Variants in LRP5 observed in about 807,000 individuals in gnomAD.
LRP5 encodes the protein LDL receptor related protein 5, also known as low-density lipoprotein receptor-related protein 5.
LRP5 carries 62 observed loss-of-function variants against 154.1 expected under a neutral mutation model. The observed-to-expected ratio is 0.40, with a 90% CI of 0.33 to 0.50. The LOEUF is 0.50. Ranked by LOEUF, LRP5 falls within the 20% of genes least tolerant of loss-of-function variation. The pLI, the probability that LRP5 is intolerant of heterozygous loss-of-function variation, is 0.55. For synonymous variants in LRP5, 966 were observed against 1,011.5 expected, an observed-to-expected ratio of 0.96 and a Z score of 0.85; for missense variants, 1,915 against 2,336.7, an observed-to-expected ratio of 0.82 and a Z score of 3.72.
intron 16 of LRP5, among the ~76,000 whole-genome samples, chr11:68,427,966 T>A (rs1565105820): frequency 1.3e-5 from 1 of 79,036 alleles, no homozygotes; most frequent in Non-Finnish European, 2.8e-5. Flanking sequence ...TTTTATTTTA[T>A]TTTATTTTTT....
chr11:68,432,255 C>T (rs2098672341), intron 17 of LRP5, among the ~76,000 whole-genome samples: 1 of 152,250 alleles, frequency 6.6e-6, no homozygotes, highest in Non-Finnish European at 1.5e-5. Context: ...GGTTTCACAA[C>T]TGCTGAGGGA....
chr11:68,429,486 G>C (rs550902066), intron 16 of LRP5, 89 bp from the exon 17 acceptor site: 1 of 1,557,526 alleles, frequency 6.4e-7, no homozygotes, highest in East Asian at 2.2e-5. Flanking sequence ...CAGTTCTCAT[G>C]AGTTCTCATT....
At chr11:68,340,972 G>T (rs2153125636) in intron 1 of LRP5, among the ~76,000 whole-genome samples, 1 of 146,338 alleles carries the variant, frequency 6.8e-6, no homozygotes, top group East Asian at 2.0e-4. Flanking sequence ...ACGTTTTGTT[G>T]TTACCGCAGT....
Position 68,413,133 on chromosome 11 carries a change from C to T in LRP5, c.2504-556C>T, listed in dbSNP as rs982836619. The T allele has an allele frequency of 5.0e-6, 1 of 201,880 alleles. No homozygotes were observed. The highest frequency in any genetic ancestry group is 1.0e-5 in the Non-Finnish European group (1 of 97,502). 12.5% of individuals were successfully genotyped at this position (201,880 alleles called of 1,614,324 possible). ...ATCCAGGCCGCATGCAAACCTGTTG[C>T]CAGGCGAGAAACCAGTCACCGCACA... On this transcript the variant is annotated intron_variant, in intron 11 of 22. Transcript: ENST00000294304. This position sits in a 1 kb window ranked among gnomAD's most constrained non-coding sequence, Gnocchi z 5.1.
At chr11:68,364,917 G>T (rs895874325) in intron 4 of LRP5, among the ~76,000 whole-genome samples, 3 of 119,146 alleles carry the variant, frequency 2.5e-5, no homozygotes, top group Non-Finnish European at 5.1e-5. Context: ...CGTATTTTGG[G>T]GCTGCTACAC....
At chr11:68,360,972 G>A (rs1280079869) in intron 3 of LRP5, among the ~76,000 whole-genome samples, 1 of 120,454 alleles carries the variant, frequency 8.3e-6, no homozygotes, top group Non-Finnish European at 1.7e-5. Flanking sequence ...ACTCCAGCCT[G>A]GGCGACAGAG....
At chr11:68,326,117 C>T (rs1409675859) in intron 1 of LRP5, among the ~76,000 whole-genome samples, 1 of 152,186 alleles carries the variant, frequency 6.6e-6, no homozygotes, top group East Asian at 1.9e-4. Flanking sequence ...CCTAGCTGGC[C>T]TCGGCATTTA....
chr11:68,425,337 A>C (rs770436855), intron 15 of LRP5, 45 bp downstream of exon 15: 1 of 1,559,770 alleles, frequency 6.4e-7, no homozygotes, highest in South Asian at 1.1e-5. Context: ...CCCGGCCTTC[A>C]TTGTCAGTAA....
At chr11:68,360,256 A>G (rs1024505372) in intron 3 of LRP5, among the ~76,000 whole-genome samples, 3 of 152,182 alleles carry the variant, frequency 2.0e-5, no homozygotes, top group Admixed American at 2.0e-4. Flanking sequence ...AGCTTAAGCC[A>G]TGTGTCCACC....
At chr11:68,342,892 T>C (rs942342916) in intron 1 of LRP5, among the ~76,000 whole-genome samples, 1 of 152,252 alleles carries the variant, frequency 6.6e-6, no homozygotes, top group African/African-American at 2.4e-5. Context: ...GGGGCTTTTG[T>C]ACCCAGGGTT....
intron 4 of LRP5, among the ~76,000 whole-genome samples, chr11:68,364,274 G>T (rs2098629670): frequency 6.6e-6 from 1 of 151,346 alleles, no homozygotes; most frequent in Admixed American, 6.6e-5. Context: ...AGAAGAAGTT[G>T]TCTGTGTGTG....
chr11:68,416,473 C>T lies in LRP5; in HGVS notation c.2973C>T (p.Ile991=), dbSNP rs764659105. Residue 991 remains isoleucine (I), a synonymous_variant, in exon 13 of 23, where the codon ATC becomes ATT. Transcript: ENST00000294304. ...ACTATGACCCACTGGACAAGTTCATCTACTGGGTGGATGGGCGCCAGAACA... is the reference window on the plus strand; with the variant it reads ...ACTATGACCCACTGGACAAGTTCATTTACTGGGTGGATGGGCGCCAGAACA... ...AIDYDPLDKF[I]YWVDGRQNIK... The T allele has an allele frequency of 1.4e-5, 23 of 1,614,098 alleles. 1 individual carries two copies. In the South Asian group the frequency reaches 2.3e-4, roughly 16 times the overall value.
chr11:68,334,004 A>C (rs1434548455), intron 1 of LRP5, among the ~76,000 whole-genome samples: 1 of 152,136 alleles, frequency 6.6e-6, no homozygotes, highest in African/African-American at 2.4e-5. Context: ...TTGAGAGGCC[A>C]AGGTGGATCA....
chr11:68,324,138 G>A (rs753682808), intron 1 of LRP5, among the ~76,000 whole-genome samples: 5 of 152,216 alleles, frequency 3.3e-5, no homozygotes, highest in Non-Finnish European at 5.9e-5. Flanking sequence ...TCTCAGGAGG[G>A]CTGAGCTGCT....
Position 68,394,414 on chromosome 11 carries a change from A to G in LRP5, c.1584+4362A>G, listed in dbSNP as rs374121436. On this transcript the variant is annotated intron_variant, in intron 7 of 22. Coordinates refer to ENST00000294304, the MANE Select transcript of LRP5 (RefSeq NM_002335.4). ...GCAGGAGCTCACCCCCAGGAACTAC[A>G]CTTGCTGGGGCCTTCGTGTCACAAT... Among the ~76,000 whole-genome samples, 1,131 of 151,478 alleles carry G rather than the reference A, an allele frequency of 7.5e-3. 19 individuals are homozygous for G. The highest frequency in any genetic ancestry group is 0.026 in the African/African-American group (1,062 of 41,246).
intron 7 of LRP5, among the ~76,000 whole-genome samples, chr11:68,397,972 T>TTGTGTGTGTGTG (rs113280059): frequency 0.12 from 17,501 of 141,972 alleles, 1,244 homozygotes; most frequent in East Asian, 0.23. Flanking sequence ...CTGTGTGTGT[T>TTGTGTGTGTGTG]TGTGTGTGTG....
intron 1 of LRP5, among the ~76,000 whole-genome samples, chr11:68,328,222 C>T (rs2098600772): frequency 1.5e-5 from 2 of 134,782 alleles, no homozygotes. Flanking sequence ...ATCCACGTTG[C>T]TGCAATTTTC....
intron 21 of LRP5, among the ~76,000 whole-genome samples, chr11:68,442,406 G>T (rs956234036): frequency 1.7e-4 from 26 of 152,130 alleles, no homozygotes; most frequent in Admixed American, 7.2e-4. Context: ...CCCTCAAGTA[G>T]CTCAGATGGC....
At chr11:68,388,592 C>T (rs2098644319) in intron 6 of LRP5, among the ~76,000 whole-genome samples, 1 of 152,082 alleles carries the variant, frequency 6.6e-6, no homozygotes, top group African/African-American at 2.4e-5. Context: ...CTTGGGGGGC[C>T]CCAGGGAACA....
Sources: allele counts gnomAD v4.1 joint callset (sites outside exome capture counted in the v4.1 genomes callset), GRCh38; gene constraint gnomAD v4.1.1; non-coding constraint Gnocchi (gnomAD v3.1); transcripts MANE v1.5; gene names NCBI Gene and HGNC (gene_info 2026-07-23, HGNC 2026-07-21).